TMEM131: variants seen among roughly 807,000 people sequenced by gnomAD.
The protein encoded by TMEM131 is transmembrane protein 131.
In TMEM131, 66 loss-of-function variants were observed where a neutral mutation model predicts 211.6. The observed-to-expected ratio is 0.31, with a 90% confidence interval of 0.26 to 0.38. TMEM131 has a LOEUF of 0.38. Among genes scored for constraint, TMEM131 ranks in the 10% least tolerant of loss-of-function variants. TMEM131 has a pLI of 1.00. For missense variants in TMEM131, 2,036 were observed against 2,299.3 expected (o/e 0.89, Z 2.34); for synonymous variants, 844 against 841.3 (o/e 1.00, Z -0.06).
chr2:97,761,546 TCTG>T (rs1217065632), intron 36 of TMEM131: 3 of 159,116 alleles, frequency 1.9e-5, no homozygotes, highest in African/African-American at 7.2e-5. Context: ...CTGCATCCTG[TCTG>T]TGTGGTCAGG....
chr2:97,771,163 A>C (rs1182768314), intron 33 of TMEM131, among the ~76,000 whole-genome samples: 1 of 152,156 alleles, frequency 6.6e-6, no homozygotes, highest in Non-Finnish European at 1.5e-5. Flanking sequence ...GACTGCTCTC[A>C]ACAAATTGTG....
At chr2:97,945,749 T>C (rs575243198) in intron 1 of TMEM131, among the ~76,000 whole-genome samples, 8 of 152,268 alleles carry the variant, frequency 5.3e-5, no homozygotes, top group African/African-American at 1.9e-4. Flanking sequence ...ACTATTTTCA[T>C]TCTTAAAAAT....
At chr2:97,990,699 CCTA>C (rs1680225725) in intron 1 of TMEM131, among the ~76,000 whole-genome samples, 1 of 152,192 alleles carries the variant, frequency 6.6e-6, no homozygotes, top group Non-Finnish European at 1.5e-5. Flanking sequence ...TACTCAATGT[CCTA>C]CTATAGCAGA....
chr2:97,796,446 C>T (rs1243666036), intron 27 of TMEM131, 42 bp from the exon 28 acceptor site: 6 of 1,228,814 alleles, frequency 4.9e-6, no homozygotes, highest in Non-Finnish European at 6.8e-6. Flanking sequence ...ATCTTGCCAT[C>T]ATGTGCTCCC....
intron 2 of TMEM131, among the ~76,000 whole-genome samples, chr2:97,913,751 A>G (rs1676387970): frequency 6.6e-6 from 1 of 152,210 alleles, no homozygotes; most frequent in Non-Finnish European, 1.5e-5. Flanking sequence ...GGATGCTTAG[A>G]AATAAGACAA....
chr2:97,931,750 G>A (rs72944808), intron 1 of TMEM131, among the ~76,000 whole-genome samples: 3,750 of 152,170 alleles, frequency 0.025, 165 homozygotes, highest in African/African-American at 0.087. Flanking sequence ...CAAAAACTAG[G>A]AACAGAAGAA....
intron 38 of TMEM131, chr2:97,760,301 C>A: frequency 2.2e-6 from 1 of 449,284 alleles, no homozygotes; most frequent in Admixed American, 3.5e-5. Flanking sequence ...TCACATCTTA[C>A]CACAGACCAG....
At chr2:97,824,686 A>G (rs1363271194) in intron 11 of TMEM131, among the ~76,000 whole-genome samples, 1 of 152,192 alleles carries the variant, frequency 6.6e-6, no homozygotes, top group African/African-American at 2.4e-5. Context: ...ACAATTTGGA[A>G]GGGCAAAAAA....
intron 5 of TMEM131, among the ~76,000 whole-genome samples, chr2:97,845,629 C>T (rs1483548707): frequency 1.3e-5 from 2 of 151,628 alleles, no homozygotes; most frequent in African/African-American, 2.4e-5. Context: ...TTATTTTGAA[C>T]AGAAATGTTT....
At chr2:97,761,084 A>G (rs1170418278) in intron 36 of TMEM131, 170 bp from the exon 37 acceptor site, 9 of 761,524 alleles carry the variant, frequency 1.2e-5, no homozygotes, top group African/African-American at 3.5e-5. Flanking sequence ...CTGCTTAATC[A>G]GACAGAGATA....
chr2:97,935,247 T>A (rs1677393187), intron 1 of TMEM131, among the ~76,000 whole-genome samples: 1 of 152,058 alleles, frequency 6.6e-6, no homozygotes, highest in Non-Finnish European at 1.5e-5. Flanking sequence ...AGCCACAATA[T>A]CAGGATGGTG....
chr2:97,809,665 A>G (rs771863324), intron 19 of TMEM131, 23 bp downstream of exon 19: 2 of 1,583,302 alleles, frequency 1.3e-6, no homozygotes, highest in South Asian at 2.3e-5. Flanking sequence ...GCAATAGAAA[A>G]ATGTGTGTAT....
At chr2:97,803,321 A>G (rs553620499) in intron 22 of TMEM131, among the ~76,000 whole-genome samples, 1 of 152,344 alleles carries the variant, frequency 6.6e-6, no homozygotes, top group African/African-American at 2.4e-5. Context: ...ATATAAAGAC[A>G]AAACAGAGTC....
intron 31 of TMEM131, among the ~76,000 whole-genome samples, chr2:97,780,772 AACC>A: frequency 6.6e-6 from 1 of 152,320 alleles, no homozygotes; most frequent in Non-Finnish European, 1.5e-5. Context: ...GCTGTACGGG[AACC>A]ACAACTTAAC....
At position 97,776,065 on chromosome 2, in the gene TMEM131, T is replaced by C. The variant is rs545881911; in HGVS notation, c.4145-47A>G. ...AAAGAACTCTTGTTTTTGTTTCTTT[T>C]TTTTTTGAGATGGAGTCTTGCTCTG... is the stretch of plus-strand genomic sequence containing the variant. On this transcript the variant is annotated intron_variant, in intron 31 of 40. Coordinates refer to ENST00000186436, the MANE Select transcript of TMEM131 (RefSeq NM_015348.2). 308 of 1,573,360 alleles carry C rather than the reference T, an allele frequency of 2.0e-4. 3 individuals carry two copies. The Middle Eastern group carries it at 2.1e-3, about 11-fold the overall frequency.
chr2:97,814,329 G>A lies in TMEM131; in HGVS notation c.1352C>T (p.Pro451Leu), dbSNP rs1681713022. 5.6e-6 allele frequency: 9 copies of A among 1,613,756 alleles called. No homozygotes were observed. The highest frequency in any genetic ancestry group is 7.6e-6 in the Non-Finnish European group (9 of 1,179,826). The stretch of plus-strand genomic sequence containing the variant: ...AGTAAGGTAAATTGGCCTTTCCACA[G>A]GATCAGCAGGGCTGTCTCGGATGTG... ...LFHIRDSPAD[P>L]VERPIYLTNT... Residue 451 changes from proline (P) to leucine (L), a missense_variant, in exon 14 of 41, where the codon CCT becomes CTT. Pro to Leu is a moderately conservative substitution (Grantham distance 98, BLOSUM62 -3). Coordinates refer to ENST00000186436, the MANE Select transcript of TMEM131 (RefSeq NM_015348.2).
intron 1 of TMEM131, among the ~76,000 whole-genome samples, chr2:97,976,454 A>G (rs1679539132): frequency 1.3e-5 from 2 of 152,112 alleles, no homozygotes; most frequent in South Asian, 4.1e-4. Flanking sequence ...AAATACTTAG[A>G]GATAAATATG....
chr2:97,813,650 T>C (rs1486798379), intron 15 of TMEM131, among the ~76,000 whole-genome samples: 2 of 152,250 alleles, frequency 1.3e-5, no homozygotes, highest in African/African-American at 4.8e-5. Flanking sequence ...ATTATTCTTT[T>C]TCTACCTATC....
rs1262976582 is a variant in TMEM131 at position 97,757,137 on chromosome 2, C to A, written c.5614G>T (p.Asp1872Tyr). 1 of 1,612,228 alleles carries A rather than the reference C, an allele frequency of 6.2e-7. No individual in the cohort carries two copies. The stretch of plus-strand genomic sequence containing the variant: ...GGAAAGTGCGAATTAGACCAAGGGT[C>A]CGAGCTTCTTCTTCCAATCGTGGGG... ...WSPTIGRRSSDPWSNSHFPHE... is the reference protein window; with the variant it reads ...WSPTIGRRSSYPWSNSHFPHE... The change falls in exon 41 of 41, where the codon GAC becomes TAC. Residue 1872 changes from aspartate (D) to tyrosine (Y), a missense_variant. Asp to Tyr is a radical substitution (Grantham distance 160, BLOSUM62 -3). Around this residue, in one of 3 missense-constraint regions of TMEM131, gnomAD observed 1,623 missense variants for 1,805.9 expected, o/e 0.90. Transcript: ENST00000186436.
Sources: gnomAD v4.1 joint callset for allele counts (sites outside exome capture counted in the v4.1 genomes callset) on GRCh38, gnomAD v4.1.1 for gene constraint, gnomAD v4.1.1 regional missense constraint, MANE v1.5 for transcripts, NCBI Gene and HGNC (gene_info 2026-07-23, HGNC 2026-07-21) for gene names.